The following SPTLC2 variants were observed in gnomAD, a reference collection of about 807,000 sequenced individuals.
SPTLC2 encodes serine palmitoyltransferase 2.
A neutral mutation model predicts 62.0 loss-of-function variants in SPTLC2; 21 were observed. That is an observed-to-expected ratio of 0.34 (90% CI 0.24 to 0.49). The LOEUF (loss-of-function observed/expected upper bound fraction) is 0.49, where lower values mean the gene tolerates loss of function less well. Among genes scored for constraint, SPTLC2 ranks in the 20% least tolerant of loss-of-function variants. SPTLC2 has a pLI of 0.99. For missense variants in SPTLC2, 511 were observed against 713.0 expected, an observed-to-expected ratio of 0.72 and a Z score of 3.23; for synonymous variants, 261 against 261.8, an observed-to-expected ratio of 1.00 and a Z score of 0.03.
intron 4 of SPTLC2, among the ~76,000 whole-genome samples, chr14:77,575,368 C>T (rs2079709030): frequency 1.3e-5 from 2 of 152,098 alleles, no homozygotes; most frequent in African/African-American, 4.8e-5. Context: ...AATATGGATG[C>T]AAATTCTTTG....
chr14:77,595,745 G>C (rs1414728091), intron 2 of SPTLC2, among the ~76,000 whole-genome samples: 2 of 152,136 alleles, frequency 1.3e-5, no homozygotes, highest in Admixed American at 1.3e-4. Flanking sequence ...TACAATCAAT[G>C]TTCACTGGCT....
intron 2 of SPTLC2, among the ~76,000 whole-genome samples, 183 bp from the exon 3 acceptor site, chr14:77,579,292 A>T (rs1674085717): frequency 6.6e-6 from 1 of 152,174 alleles, no homozygotes; most frequent in Non-Finnish European, 1.5e-5. Context: ...AATAACACAC[A>T]TGGTACCCAT....
chr14:77,527,110 T>A (rs1324658799), intron 9 of SPTLC2, among the ~76,000 whole-genome samples: 2 of 125,856 alleles, frequency 1.6e-5, no homozygotes, highest in Admixed American at 7.7e-5. Flanking sequence ...TTTTTTTTTT[T>A]AATTGAGATG....
At chr14:77,593,098 A>T (rs890120781) in intron 2 of SPTLC2, among the ~76,000 whole-genome samples, 1 of 151,286 alleles carries the variant, frequency 6.6e-6, no homozygotes, top group Non-Finnish European at 1.5e-5. Context: ...GTGAGACTCC[A>T]TCTCAAAAAA....
chr14:77,562,499 C>T lies in SPTLC2; in HGVS notation c.757-10G>A. On this transcript the variant is annotated splice_polypyrimidine_tract_variant and intron_variant, in intron 5 of 11. Transcript: ENST00000216484. ...TCAGAATCAGGCAACCCTGCAACAT[C>T]ACAGGAACAGAAAGGTAAGAAGCTG... The T allele has an allele frequency of 1.2e-6, 2 of 1,611,978 alleles. No individual in the cohort carries two copies. The highest frequency in any genetic ancestry group is 1.1e-5 in the South Asian group (1 of 91,042).
chr14:77,546,572 T>G (rs2079528851), intron 9 of SPTLC2, among the ~76,000 whole-genome samples: 1 of 152,136 alleles, frequency 6.6e-6, no homozygotes, highest in Admixed American at 6.5e-5. Flanking sequence ...AATTTATCTG[T>G]GCCTCTGAGA....
At chr14:77,541,038 T>C (rs1168603793) in intron 9 of SPTLC2, among the ~76,000 whole-genome samples, 1 of 151,918 alleles carries the variant, frequency 6.6e-6, no homozygotes, top group Non-Finnish European at 1.5e-5. Context: ...TTTATTTATT[T>C]ATTTATTTAT....
Position 77,552,185 on chromosome 14 carries a change from G to A in SPTLC2, c.1214C>T (p.Ala405Val), listed in dbSNP as rs2079559028. The part of the protein sequence containing the change: ...IDYLRTHSHS[A>V]VYATSLSPPV... ...AGGTGACAATGACGTGGCATACACT[G>A]CACTATGAGAATGTGTTCGCAGGTA... The change falls in exon 9 of 12, where the codon GCA becomes GTA. Residue 405 changes from alanine to valine, a missense_variant. By Grantham distance (64) the Ala-to-Val change is moderately conservative. Coordinates refer to ENST00000216484, the MANE Select transcript of SPTLC2 (RefSeq NM_004863.4). 1 of 1,614,040 alleles carries A rather than the reference G, an allele frequency of 6.2e-7. No homozygotes were observed. Among genetic ancestry groups the A allele is most frequent in the African/African-American group, 1.3e-5 (1 of 74,920 alleles).
chr14:77,519,620 A>G (rs1266022999), intron 10 of SPTLC2, among the ~76,000 whole-genome samples: 1 of 152,104 alleles, frequency 6.6e-6, no homozygotes, highest in Non-Finnish European at 1.5e-5. Flanking sequence ...GGGGAGGCGG[A>G]AGCACAAGAT....
At chr14:77,533,455 T>C (rs963920250) in intron 9 of SPTLC2, among the ~76,000 whole-genome samples, 1 of 152,130 alleles carries the variant, frequency 6.6e-6, no homozygotes, top group Non-Finnish European at 1.5e-5. Flanking sequence ...ATTGACAAAG[T>C]AATAATTTCT....
chr14:77,546,697 T>C (rs143605707), intron 9 of SPTLC2, among the ~76,000 whole-genome samples: 1 of 152,118 alleles, frequency 6.6e-6, no homozygotes, highest in African/African-American at 2.4e-5. Context: ...ATGTAGAGAG[T>C]AGTTGCTTGT....
chr14:77,516,721 T>C (rs901355370), intron 11 of SPTLC2, among the ~76,000 whole-genome samples: 1 of 152,232 alleles, frequency 6.6e-6, no homozygotes, highest in African/African-American at 2.4e-5. Context: ...ACACTGTGCC[T>C]ATAGTTAACA....
At chr14:77,579,782 CATCA>C (rs1201578949) in intron 2 of SPTLC2, among the ~76,000 whole-genome samples, 1 of 152,124 alleles carries the variant, frequency 6.6e-6, no homozygotes. Flanking sequence ...TCTGGAAAGG[CATCA>C]ATTCTCTATG....
chr14:77,604,712 A>C (rs1429338368), intron 1 of SPTLC2, among the ~76,000 whole-genome samples: 1 of 152,060 alleles, frequency 6.6e-6, no homozygotes, highest in Non-Finnish European at 1.5e-5. Flanking sequence ...TACTAAAAAT[A>C]CAAAATTAGC....
chr14:77,533,169 G>A (rs1211015253), intron 9 of SPTLC2, among the ~76,000 whole-genome samples: 1 of 151,964 alleles, frequency 6.6e-6, no homozygotes, highest in Non-Finnish European at 1.5e-5. Flanking sequence ...GCGTGGTGGT[G>A]CACGCCTGGA....
intron 11 of SPTLC2, among the ~76,000 whole-genome samples, chr14:77,513,016 CTTTTTTTTTTT>C (rs1190713237): frequency 9.6e-5 from 6 of 62,820 alleles, no homozygotes; most frequent in Admixed American, 3.2e-4. Context: ...AACCCAGCAA[CTTTTTTTTTTT>C]TTTTTTTTTT....
chr14:77,596,037 T>TA (rs1025402190), intron 2 of SPTLC2, among the ~76,000 whole-genome samples: 16 of 151,322 alleles, frequency 1.1e-4, no homozygotes, highest in South Asian at 2.1e-4. Context: ...CAATAACAAG[T>TA]AAAAAAAACA....
intron 2 of SPTLC2, among the ~76,000 whole-genome samples, chr14:77,586,024 C>A (rs932463310): frequency 2.1e-4 from 32 of 151,492 alleles, no homozygotes; most frequent in African/African-American, 7.3e-4. Context: ...GTTGGTTTCT[C>A]AAAGGTACAT....
At chr14:77,552,246 A>G (rs1167670204) in intron 8 of SPTLC2, 24 bp from the exon 9 acceptor site, 5 of 1,613,618 alleles carry the variant, frequency 3.1e-6, no homozygotes, top group Non-Finnish European at 4.2e-6. Flanking sequence ...AGAGGCAGAT[A>G]AGTAGAGACA....
Sources: allele counts gnomAD v4.1 joint callset (sites outside exome capture counted in the v4.1 genomes callset), GRCh38; gene constraint gnomAD v4.1.1; transcripts MANE v1.5; gene names NCBI Gene and HGNC (gene_info 2026-07-23, HGNC 2026-07-21).